The following CACNA1A variants were observed in gnomAD, a reference collection of about 807,000 sequenced individuals.
CACNA1A encodes calcium voltage-gated channel subunit alpha1 A.
In CACNA1A, 57 loss-of-function variants were observed where a neutral mutation model predicts 262.4. The ratio of observed to expected loss-of-function variants is 0.22; its 90% CI spans 0.18 to 0.27. CACNA1A has a LOEUF of 0.27. Ranked by LOEUF, CACNA1A falls within the 10% of genes least tolerant of loss-of-function variation. The pLI is 1.00. For missense variants in CACNA1A, 2,526 were observed against 3,562.8 expected (o/e 0.71, Z 7.41); for synonymous variants, 1,431 against 1,419.3 (o/e 1.01, Z -0.18).
chr19:13,385,092 C>A (rs1387053000), intron 3 of CACNA1A, among the ~76,000 whole-genome samples: 1 of 152,122 alleles, frequency 6.6e-6, no homozygotes, highest in Non-Finnish European at 1.5e-5. Flanking sequence ...TTCGCTTGTA[C>A]CAGTCACGTT....
At chr19:13,305,994 A>T (rs920059090) in intron 15 of CACNA1A, among the ~76,000 whole-genome samples, 2 of 150,580 alleles carry the variant, frequency 1.3e-5, no homozygotes, top group African/African-American at 4.9e-5. Flanking sequence ...CAGGAGGCAG[A>T]GGTTGTAGTG....
chr19:13,321,415 C>T (rs996607980), intron 10 of CACNA1A, among the ~76,000 whole-genome samples: 6 of 152,066 alleles, frequency 3.9e-5, no homozygotes, highest in African/African-American at 9.7e-5. Flanking sequence ...AATTTATATA[C>T]GCTTAAAATT....
intron 3 of CACNA1A, among the ~76,000 whole-genome samples, chr19:13,392,811 A>G (rs1018539347): frequency 3.1e-4 from 47 of 151,984 alleles, no homozygotes; most frequent in African/African-American, 1.1e-3. Flanking sequence ...CAGTAGTGCA[A>G]TCTCTGCTCA....
In CACNA1A at chr19:13,464,543, A is replaced by ATTTTTTTTTTTTT. The variant is rs540418372; in HGVS notation, c.294-9344_294-9332dup. ...CTGCTAATAGTAAATAACTTTTCCA[A>ATTTTTTTTTTTTT]TTTTTTTTTTTTTTTTTTTTTTAGA... On this transcript the variant is annotated intron_variant, in intron 1 of 46. Transcript: ENST00000360228. 3.4e-4 allele frequency among the ~76,000 whole-genome samples: 44 copies of ATTTTTTTTTTTTT among 128,942 alleles called. 2 individuals are homozygous for ATTTTTTTTTTTTT. The highest frequency in any genetic ancestry group is 7.5e-4 in the African/African-American group (24 of 32,070). The allele number at this position is 128,942 out of a possible 152,430, so 84.6% of individuals were successfully genotyped here.
chr19:13,402,883 T>C (rs80153613), intron 3 of CACNA1A, among the ~76,000 whole-genome samples: 2,529 of 77,402 alleles, frequency 0.033, 96 homozygotes, highest in African/African-American at 0.17. Flanking sequence ...CATATATATA[T>C]ATATATATAT....
chr19:13,423,783 G>T (rs1173817004), intron 3 of CACNA1A, among the ~76,000 whole-genome samples: 1 of 151,966 alleles, frequency 6.6e-6, no homozygotes, highest in African/African-American at 2.4e-5. Flanking sequence ...CCAAAGTGTT[G>T]GGATTACAGG....
At chr19:13,328,160 C>A (rs12461413) in intron 10 of CACNA1A, among the ~76,000 whole-genome samples, 18,028 of 152,216 alleles carry the variant, frequency 0.12, 1,101 homozygotes, top group South Asian at 0.19. Flanking sequence ...CTGCACTGGC[C>A]TCCCAAAGCA....
At chr19:13,253,842 C>A (rs140931016) in intron 29 of CACNA1A, among the ~76,000 whole-genome samples, 5 of 152,102 alleles carry the variant, frequency 3.3e-5, no homozygotes, top group African/African-American at 7.2e-5. Flanking sequence ...TGGGTTCAAG[C>A]GATTCTCATG....
chr19:13,429,167 TACACACACACACAC>T (rs56218610), intron 3 of CACNA1A, among the ~76,000 whole-genome samples: 19 of 141,152 alleles, frequency 1.3e-4, no homozygotes, highest in Admixed American at 3.6e-4. Context: ...TCACTGTGCG[TACACACACACACAC>T]ACACACACAC....
At chr19:13,390,995 C>A (rs1599352267) in intron 3 of CACNA1A, among the ~76,000 whole-genome samples, 1 of 152,016 alleles carries the variant, frequency 6.6e-6, no homozygotes, top group Non-Finnish European at 1.5e-5. Context: ...CAAGCAATTC[C>A]CCTGCCTAAG....
At chr19:13,383,025 C>T (rs962854353) in intron 3 of CACNA1A, among the ~76,000 whole-genome samples, 1 of 152,216 alleles carries the variant, frequency 6.6e-6, no homozygotes, top group African/African-American at 2.4e-5. Flanking sequence ...ACTCCTGTGA[C>T]TAGTTGGGCG....
chr19:13,310,926 G>C (rs12460328), intron 12 of CACNA1A, among the ~76,000 whole-genome samples: 34,084 of 151,716 alleles, frequency 0.22, 4,246 homozygotes, highest in East Asian at 0.48. Flanking sequence ...AAGTAGCTGG[G>C]ATTACAGGCA....
At chr19:13,324,793 G>A (rs929109821) in intron 10 of CACNA1A, among the ~76,000 whole-genome samples, 3 of 152,090 alleles carry the variant, frequency 2.0e-5, no homozygotes, top group East Asian at 1.9e-4. Context: ...AGGATCGCCT[G>A]AGCCCAGGAG....
intron 6 of CACNA1A, among the ~76,000 whole-genome samples, chr19:13,348,357 AAGG>A (rs2058832085): frequency 6.6e-6 from 1 of 152,172 alleles, no homozygotes; most frequent in African/African-American, 2.4e-5. Context: ...GAAGGGAGAG[AAGG>A]AGAAGGAGGT....
intron 1 of CACNA1A, among the ~76,000 whole-genome samples, chr19:13,491,963 G>C (rs1980943240): frequency 6.6e-6 from 1 of 152,194 alleles, no homozygotes; most frequent in African/African-American, 2.4e-5. Flanking sequence ...GGCACCCACT[G>C]TGTGTCAGGT....
Position 13,207,206 on chromosome 19 carries a change from T to C in CACNA1A, c.*107A>G, listed in dbSNP as rs907702171. On this transcript the variant is annotated 3_prime_UTR_variant, in exon 47 of 47. Transcript: ENST00000360228. The surrounding 1 kb of genome is among the most constrained non-coding windows in gnomAD (Gnocchi z 5.7). Reference sequence around the variant, plus strand: ...GAGTCTGGGGTCTCCCGGCTGGCCCTCTCCCGGGCCCTCTGTGCTGGGCCC... The same window carrying C: ...GAGTCTGGGGTCTCCCGGCTGGCCCCCTCCCGGGCCCTCTGTGCTGGGCCC... The C allele has an allele frequency of 5.6e-6, 7 of 1,239,628 alleles. No homozygotes were observed. The Admixed American group carries it at 2.5e-4, about 44-fold the overall frequency. 76.8% of individuals were successfully genotyped at this position (1,239,628 alleles called of 1,614,324 possible).
intron 3 of CACNA1A, among the ~76,000 whole-genome samples, chr19:13,402,404 C>T (rs1033321417): frequency 5.9e-5 from 9 of 152,006 alleles, no homozygotes; most frequent in Non-Finnish European, 1.2e-4. Context: ...AGGAGGTGAG[C>T]ACTGGATAAC....
At chr19:13,381,132 C>G (rs1196252455) in intron 3 of CACNA1A, among the ~76,000 whole-genome samples, 2 of 152,146 alleles carry the variant, frequency 1.3e-5, no homozygotes, top group African/African-American at 4.8e-5. Flanking sequence ...TGCCTGTAAT[C>G]TCAGCTACTC....
At chr19:13,251,994 A>G (rs1215202843) in intron 30 of CACNA1A, among the ~76,000 whole-genome samples, 1 of 151,844 alleles carries the variant, frequency 6.6e-6, no homozygotes, top group East Asian at 1.9e-4. Context: ...TCGAACTCCT[A>G]GGCTCAAGTG....
Sources: gnomAD v4.1 joint callset for allele counts (sites outside exome capture counted in the v4.1 genomes callset) on GRCh38, gnomAD v4.1.1 for gene constraint, Gnocchi (gnomAD v3.1) non-coding constraint, MANE v1.5 for transcripts, NCBI Gene and HGNC (gene_info 2026-07-23, HGNC 2026-07-21) for gene names.